Variants in ANO3 observed in about 807,000 individuals in gnomAD.
ANO3 encodes the protein anoctamin 3, also known as anoctamin-3.
A neutral mutation model predicts 144.8 loss-of-function variants in ANO3; 99 were observed. That is an observed-to-expected ratio of 0.68 (90% CI 0.58 to 0.81). The LOEUF is 0.81. Among genes scored for constraint, ANO3 ranks in the 30% least tolerant of loss-of-function variants. The pLI is 0.00. For synonymous variants in ANO3, 414 were observed against 392.6 expected (o/e 1.05, Z -0.64); for missense variants, 905 against 1,202.2 (o/e 0.75, Z 3.66).
chr11:26,195,527 G>A (rs186897403), intron 1 of ANO3, among the ~76,000 whole-genome samples: 60 of 152,256 alleles, frequency 3.9e-4, no homozygotes, highest in South Asian at 6.2e-4. Flanking sequence ...AGGAGGAAAC[G>A]GAGAGAGTAA....
At chr11:26,329,724 G>C (rs1854987968), upstream of ANO3, among the ~76,000 whole-genome samples, 1 of 152,126 alleles carries the variant, frequency 6.6e-6, no homozygotes, top group African/African-American at 2.4e-5. Context: ...CAGGGAGTAG[G>C]TTGGAGAAAA....
chr11:26,631,393 AAAAT>A (rs1465503380), intron 18 of ANO3, among the ~76,000 whole-genome samples: 6 of 152,054 alleles, frequency 3.9e-5, no homozygotes, highest in Admixed American at 6.5e-5. Flanking sequence ...TTATACATTA[AAAAT>A]AAATAAAATA....
intron 1 of ANO3, among the ~76,000 whole-genome samples, chr11:26,253,700 G>A (rs911079059): frequency 6.6e-6 from 1 of 152,116 alleles, no homozygotes; most frequent in South Asian, 2.1e-4. Context: ...AAGATGTAAT[G>A]AGAGTCTTAT....
chr11:26,642,116 A>G (rs1287904080), intron 22 of ANO3, 87 bp downstream of exon 22: 11 of 1,454,402 alleles, frequency 7.6e-6, no homozygotes, highest in Non-Finnish European at 1.0e-5. Context: ...AGAGAAAATT[A>G]TCTCTTTCCT....
intron 24 of ANO3, among the ~76,000 whole-genome samples, chr11:26,654,787 G>T (rs1054359479): frequency 2.6e-5 from 4 of 152,062 alleles, no homozygotes; most frequent in Non-Finnish European, 5.9e-5. Flanking sequence ...TTGGTTTGTT[G>T]AATAGAGTTT....
intron 14 of ANO3, among the ~76,000 whole-genome samples, chr11:26,578,261 G>A (rs1851041420): frequency 6.6e-6 from 1 of 152,164 alleles, no homozygotes; most frequent in African/African-American, 2.4e-5. Flanking sequence ...GTGGCAGTAG[G>A]AAGCATGAAT....
chr11:26,272,236 G>A (rs568323598), intron 1 of ANO3, among the ~76,000 whole-genome samples: 3 of 151,968 alleles, frequency 2.0e-5, no homozygotes, highest in Non-Finnish European at 4.4e-5. Context: ...GAAGAGCACC[G>A]AGAAGCAGAG....
rs933607928 is a variant in ANO3, at chr11:26,343,477, A to G, written c.46+11156A>G. 3.3e-5 allele frequency among the ~76,000 whole-genome samples: 5 copies of G among 152,344 alleles called. No homozygotes were observed. In the East Asian group the frequency reaches 5.8e-4, roughly 18 times the overall value. ...TTGGGGGGTCCTCCATAATGCTTTT[A>G]TAATGGCTGTGCCAATTTACATTTC... On this transcript the variant is annotated intron_variant, in intron 1 of 26. Transcript: ENST00000256737.
upstream of ANO3, among the ~76,000 whole-genome samples, chr11:26,305,849 C>A (rs1407880286): frequency 6.6e-6 from 1 of 152,136 alleles, no homozygotes; most frequent in African/African-American, 2.4e-5. Flanking sequence ...TATTTTGTTT[C>A]AAATACTCCA....
At chr11:26,271,918 A>G (rs1411403473) in intron 1 of ANO3, among the ~76,000 whole-genome samples, 1 of 152,176 alleles carries the variant, frequency 6.6e-6, no homozygotes, top group African/African-American at 2.4e-5. Flanking sequence ...TAAATGAATT[A>G]GAAAGGGCTA....
chr11:26,311,113 T>A (rs995903941), intron 1 of ANO3, among the ~76,000 whole-genome samples: 1 of 152,148 alleles, frequency 6.6e-6, no homozygotes, highest in African/African-American at 2.4e-5. Context: ...ATCAATGAAG[T>A]GAGTAAAAAC....
chr11:26,556,151 TA>T (rs1478604382), intron 13 of ANO3, among the ~76,000 whole-genome samples: 3 of 152,168 alleles, frequency 2.0e-5, no homozygotes, highest in African/African-American at 7.2e-5. Context: ...GGAATTAGGA[TA>T]TTTTTGCAAT....
chr11:26,335,356 T>C lies in ANO3; in HGVS notation c.46+3035T>C, dbSNP rs141150089. 4.1e-3 allele frequency among the ~76,000 whole-genome samples: 618 copies of C among 152,314 alleles called. 3 individuals are homozygous for C. Among genetic ancestry groups the C allele is most frequent in the African/African-American group, 0.014 (593 of 41,580 alleles). On this transcript the variant is annotated intron_variant, in intron 1 of 26. Coordinates refer to ENST00000256737, the MANE Select transcript of ANO3 (RefSeq NM_031418.4). ...CATTCACCTTTGGTTGGCTCTTTAGTAGTATATTGGACTCTTAGCAGTTCC... is the reference window on the plus strand; with the variant it reads ...CATTCACCTTTGGTTGGCTCTTTAGCAGTATATTGGACTCTTAGCAGTTCC...
intron 8 of ANO3, 133 bp downstream of exon 8, chr11:26,531,469 CACTTA>C: frequency 8.6e-6 from 9 of 1,043,486 alleles, no homozygotes; most frequent in Non-Finnish European, 1.2e-5. Flanking sequence ...TTAAAATACA[CACTTA>C]ACTTATAAAC....
At chr11:26,401,017 G>A (rs907388544) in intron 1 of ANO3, among the ~76,000 whole-genome samples, 3 of 151,874 alleles carry the variant, frequency 2.0e-5, no homozygotes, top group South Asian at 4.1e-4. Context: ...ATTTTGATAC[G>A]TTTCTATGGC....
At chr11:26,629,070 G>A (rs1852684172) in intron 18 of ANO3, among the ~76,000 whole-genome samples, 1 of 152,092 alleles carries the variant, frequency 6.6e-6, no homozygotes, top group South Asian at 2.1e-4. Context: ...ACTAGGGTAT[G>A]TATACTTGGA....
chr11:26,420,664 C>T (rs2169339), intron 1 of ANO3, among the ~76,000 whole-genome samples: 24,276 of 151,982 alleles, frequency 0.16, 2,127 homozygotes, highest in South Asian at 0.31. Flanking sequence ...ATAATTGTCT[C>T]TAGGTTCTTA....
chr11:26,227,594 G>T (rs187837347), intron 1 of ANO3, among the ~76,000 whole-genome samples: 1 of 152,300 alleles, frequency 6.6e-6, no homozygotes, highest in African/African-American at 2.4e-5. Context: ...TCTTCTCCTT[G>T]TGTCTTATAA....
chr11:26,457,081 G>T (rs369663177), intron 3 of ANO3, among the ~76,000 whole-genome samples: 10 of 120,752 alleles, frequency 8.3e-5, no homozygotes, highest in East Asian at 3.0e-4. Flanking sequence ...GTTGTGGGGT[G>T]GGGGGAGGGG....
Sources: allele counts gnomAD v4.1 joint callset (sites outside exome capture counted in the v4.1 genomes callset), GRCh38; gene constraint gnomAD v4.1.1; transcripts MANE v1.5; gene names NCBI Gene and HGNC (gene_info 2026-07-23, HGNC 2026-07-21).